The following MEF2A variants were observed in gnomAD, a reference collection of about 807,000 sequenced individuals.
MEF2A encodes the protein myocyte-specific enhancer factor 2A.
Under a neutral mutation model 55.8 loss-of-function variants are expected in MEF2A, and 28 were observed. The ratio of observed to expected loss-of-function variants is 0.50; its 90% CI spans 0.37 to 0.69. The LOEUF is 0.69. MEF2A is among the 30% of genes least tolerant of loss of function. MEF2A has a pLI of 0.00. For missense variants in MEF2A, 528 were observed against 626.2 expected (o/e 0.84, Z 1.67); for synonymous variants, 239 against 227.1 (o/e 1.05, Z -0.47).
At chr15:99,675,553 C>T (rs2051818346) in intron 7 of MEF2A, 95 bp downstream of exon 7, 1 of 1,089,484 alleles carries the variant, frequency 9.2e-7, no homozygotes, top group East Asian at 2.4e-5. Context: ...GGGAAATTTC[C>T]TTCTGAAGGG....
At chr15:99,639,381 A>C (rs2044477104) in intron 3 of MEF2A, among the ~76,000 whole-genome samples, 2 of 152,164 alleles carry the variant, frequency 1.3e-5, no homozygotes, top group African/African-American at 4.8e-5. Flanking sequence ...TTTCATTTGC[A>C]CTTGCTTTTT....
At position 99,636,190 on chromosome 15, in the gene MEF2A, C is replaced by T. The variant is rs529316910; in HGVS notation, c.54+3017C>T. Among the ~76,000 whole-genome samples, 84 of 152,216 alleles carry T rather than the reference C, an allele frequency of 5.5e-4. 1 individual carries two copies. Among genetic ancestry groups the T allele is most frequent in the African/African-American group, 1.3e-3 (56 of 41,534 alleles). ...TATTGGCCATTTAGATATATATCTTCTGTGACTAGTCTGTTCACTTCATTT... is the reference window on the plus strand; with the variant it reads ...TATTGGCCATTTAGATATATATCTTTTGTGACTAGTCTGTTCACTTCATTT... On this transcript the variant is annotated intron_variant, in intron 3 of 11. Transcript: ENST00000557942.
intron 2 of MEF2A, among the ~76,000 whole-genome samples, chr15:99,598,897 A>AT (rs1334502428): frequency 5.9e-5 from 9 of 152,130 alleles, no homozygotes; most frequent in Non-Finnish European, 1.2e-4. Context: ...CTGAGGAAAG[A>AT]TTTTCAAGTG....
At chr15:99,710,541 C>G (rs1597340284) in intron 10 of MEF2A, 93 bp from the exon 11 acceptor site, 1 of 1,502,456 alleles carries the variant, frequency 6.7e-7, no homozygotes. Context: ...GCATGGCTGG[C>G]CTCAATGTAG....
intron 2 of MEF2A, among the ~76,000 whole-genome samples, chr15:99,613,306 T>G (rs1458932290): frequency 6.6e-6 from 1 of 152,230 alleles, no homozygotes; most frequent in Non-Finnish European, 1.5e-5. Context: ...GGTGTTCTTT[T>G]AAATTGAGAA....
chr15:99,681,869 G>C (rs1455737834), intron 7 of MEF2A: 1 of 152,190 alleles, frequency 6.6e-6, no homozygotes, highest in African/African-American at 2.4e-5. Context: ...CACTGCCTTC[G>C]AACCAGCCCT....
intron 2 of MEF2A, among the ~76,000 whole-genome samples, chr15:99,630,427 C>T (rs1482763535): frequency 2.0e-5 from 3 of 151,942 alleles, no homozygotes; most frequent in Non-Finnish European, 4.4e-5. Context: ...TCATGTTTTC[C>T]ACTTTTTGTT....
chr15:99,585,331 A>C (rs1185456789), intron 1 of MEF2A, among the ~76,000 whole-genome samples: 1 of 152,148 alleles, frequency 6.6e-6, no homozygotes, highest in African/African-American at 2.4e-5. Context: ...AATTGGAACA[A>C]TCTCGTTTCG....
At chr15:99,613,449 C>CCCCGCA (rs1190726265) in intron 2 of MEF2A, among the ~76,000 whole-genome samples, 1 of 152,148 alleles carries the variant, frequency 6.6e-6, no homozygotes. Flanking sequence ...CTTTAACAGT[C>CCCCGCA]CCCGCACCCA....
intron 2 of MEF2A, among the ~76,000 whole-genome samples, chr15:99,602,106 C>CGA (rs1973293165): frequency 6.6e-6 from 1 of 151,862 alleles, no homozygotes; most frequent in Non-Finnish European, 1.5e-5. Context: ...AAGGAGAGAC[C>CGA]GAGGCAAGTT....
At chr15:99,607,183 C>T (rs763382273) in intron 2 of MEF2A, among the ~76,000 whole-genome samples, 7 of 152,080 alleles carry the variant, frequency 4.6e-5, no homozygotes, top group African/African-American at 9.7e-5. Context: ...GCAACAACAA[C>T]CACAAAAGAG....
rs1567524822 is a variant in MEF2A at position 99,713,101 on chromosome 15, A to T, written c.*330A>T. 1 of 446,656 alleles carries T rather than the reference A, an allele frequency of 2.2e-6. No individual in the cohort carries two copies. The highest frequency in any genetic ancestry group is 3.9e-6 in the Non-Finnish European group (1 of 253,794). The allele number at this position is 446,656 out of a possible 1,614,324, so 27.7% of individuals were successfully genotyped here. ...TTTTTGCAGAGAAACGTGTACCCAT[A>T]TATAATTCTCCCACACTAGCTTGCA... On this transcript the variant is annotated 3_prime_UTR_variant, in exon 12 of 12. Coordinates refer to ENST00000557942, the MANE Select transcript of MEF2A (RefSeq NM_001319206.4).
At chr15:99,666,542 C>T (rs2049763217) in intron 4 of MEF2A, among the ~76,000 whole-genome samples, 1 of 149,240 alleles carries the variant, frequency 6.7e-6, no homozygotes, top group Admixed American at 6.7e-5. Context: ...GTGTAACAAA[C>T]CTGCACGTTC....
chr15:99,630,694 A>C (rs138000060), intron 2 of MEF2A, among the ~76,000 whole-genome samples: 1 of 152,222 alleles, frequency 6.6e-6, no homozygotes, highest in East Asian at 1.9e-4. Flanking sequence ...AGCTAGGCCA[A>C]TAAGAGTAGT....
Position 99,716,482 on chromosome 15 carries a change from T to TGA in MEF2A, c.*3711_*3712insGA, listed in dbSNP as rs760587696. ...ACTCCAGTAAAGACGGACTGGCTCTTCCTGTGCGTCGAGACTCTGTCATGT... is the reference window on the plus strand; with the variant it reads ...ACTCCAGTAAAGACGGACTGGCTCTTGACCTGTGCGTCGAGACTCTGTCATGT... On this transcript the variant is annotated 3_prime_UTR_variant, in exon 12 of 12. Transcript: ENST00000557942. 2.2e-6 allele frequency: 1 copy of TGA among 456,706 alleles called. No individual in the cohort carries two copies. The highest frequency in any genetic ancestry group is 4.4e-6 in the Non-Finnish European group (1 of 226,994). The allele number at this position is 456,706 out of a possible 1,614,324, so 28.3% of individuals were successfully genotyped here.
At chr15:99,665,028 A>G (rs1439417239) in intron 4 of MEF2A, among the ~76,000 whole-genome samples, 1 of 152,246 alleles carries the variant, frequency 6.6e-6, no homozygotes, top group Non-Finnish European at 1.5e-5. Flanking sequence ...AAAAGTGGCC[A>G]GTATCCACAG....
intron 1 of MEF2A, among the ~76,000 whole-genome samples, chr15:99,576,006 A>T (rs2152791206): frequency 6.6e-6 from 1 of 152,348 alleles, no homozygotes. Flanking sequence ...TGCATTCGGG[A>T]CCAGTAAGAT....
In MEF2A at chr15:99,713,686, A is replaced by G. The variant is rs758249061; in HGVS notation, c.*915A>G. 6.6e-6 allele frequency: 1 copy of G among 152,286 alleles called. No homozygotes were observed. 9.4% of individuals were successfully genotyped at this position (152,286 alleles called of 1,614,324 possible). On this transcript the variant is annotated 3_prime_UTR_variant, in exon 12 of 12. Coordinates refer to ENST00000557942, the MANE Select transcript of MEF2A (RefSeq NM_001319206.4). ...TGAATTATTTATATAAGCCAAAGCTATATGTTGTAACTTTTTTTTAGAGAA... is the reference window on the plus strand; with the variant it reads ...TGAATTATTTATATAAGCCAAAGCTGTATGTTGTAACTTTTTTTTAGAGAA...
chr15:99,615,010 G>A (rs1349689440), intron 2 of MEF2A, among the ~76,000 whole-genome samples: 1 of 152,168 alleles, frequency 6.6e-6, no homozygotes, highest in African/African-American at 2.4e-5. Context: ...ATATTGGCAC[G>A]TTAAAAGGTT....
Sources: gnomAD v4.1 joint callset for allele counts (sites outside exome capture counted in the v4.1 genomes callset) on GRCh38, gnomAD v4.1.1 for gene constraint, MANE v1.5 for transcripts, NCBI Gene and HGNC (gene_info 2026-07-23, HGNC 2026-07-21) for gene names.